The following ITPK1 variants were observed in gnomAD, a reference collection of about 807,000 sequenced individuals.
The protein encoded by ITPK1 is inositol 1,3,4-trisphosphate 5/6-kinase.
ITPK1 carries 21 observed loss-of-function variants against 45.3 expected under a neutral mutation model. The observed-to-expected ratio is 0.46, with a 90% confidence interval of 0.33 to 0.67. ITPK1 has a LOEUF of 0.67. Among genes scored for constraint, ITPK1 ranks in the 30% least tolerant of loss-of-function variants. The pLI is 0.02. For missense variants in ITPK1, 474 were observed against 573.5 expected, an observed-to-expected ratio of 0.83 and a Z score of 1.77; for synonymous variants, 258 against 253.6, an observed-to-expected ratio of 1.02 and a Z score of -0.16.
chr14:92,945,868 C>G (rs73345181), intron 10 of ITPK1, among the ~76,000 whole-genome samples: 3,101 of 152,298 alleles, frequency 0.02, 102 homozygotes, highest in African/African-American at 0.071. Flanking sequence ...CGCTGCAGTT[C>G]AGGGTGGTGG....
chr14:93,029,978 C>G (rs554604870), intron 3 of ITPK1, among the ~76,000 whole-genome samples: 148 of 152,316 alleles, frequency 9.7e-4, no homozygotes, highest in African/African-American at 3.4e-3. Flanking sequence ...GCTGCTACCC[C>G]CTTCCAGAAA....
Position 92,940,890 on chromosome 14 carries a change from T to C in ITPK1, c.*671A>G. 2 of 1,288,510 alleles carry C rather than the reference T, an allele frequency of 1.6e-6. No individual in the cohort carries two copies. The allele number at this position is 1,288,510 out of a possible 1,614,324, so 79.8% of individuals were successfully genotyped here. A position where few individuals can be genotyped will look rare whatever the true frequency, so the allele number is the denominator to read the frequency against. ...GCTGTGCAGGGCTAAATGGGACGTG[T>C]GTTGGGGGGCCCAGAGGACGCCCAG... On this transcript the variant is annotated 3_prime_UTR_variant, in exon 11 of 11. Coordinates refer to ENST00000267615, the MANE Select transcript of ITPK1 (RefSeq NM_014216.6).
At chr14:93,083,860 C>T (rs767791082) in intron 2 of ITPK1, among the ~76,000 whole-genome samples, 31 of 152,166 alleles carry the variant, frequency 2.0e-4, no homozygotes, top group Non-Finnish European at 4.1e-4. Flanking sequence ...CCCCACTGCC[C>T]CAAGCTGCCC....
At chr14:93,021,651 C>T (rs1647897038) in intron 3 of ITPK1, among the ~76,000 whole-genome samples, 1 of 151,638 alleles carries the variant, frequency 6.6e-6, no homozygotes, top group Non-Finnish European at 1.5e-5. Context: ...GGACTCCATG[C>T]CAGTGGTGTG....
chr14:93,080,065 T>TA (rs1891378265), intron 2 of ITPK1, among the ~76,000 whole-genome samples: 1 of 152,130 alleles, frequency 6.6e-6, no homozygotes, highest in Admixed American at 6.5e-5. Context: ...TATGCAGCAG[T>TA]AAAAAAGAAC....
intron 5 of ITPK1, among the ~76,000 whole-genome samples, chr14:92,986,352 T>A (rs1886483604): frequency 6.6e-6 from 1 of 151,912 alleles, no homozygotes; most frequent in Admixed American, 6.6e-5. Context: ...TCAGTGTGAG[T>A]AGGGGGAAGA....
chr14:93,006,240 G>A (rs141656725), intron 4 of ITPK1, among the ~76,000 whole-genome samples: 156 of 152,342 alleles, frequency 1.0e-3, no homozygotes, highest in Non-Finnish European at 1.6e-3. Flanking sequence ...ACAAGGGGTA[G>A]GGGAAACGCT....
At chr14:93,108,906 G>A (rs1326963684) in intron 2 of ITPK1, among the ~76,000 whole-genome samples, 5 of 152,302 alleles carry the variant, frequency 3.3e-5, no homozygotes, top group East Asian at 1.9e-4. Context: ...CCAGCTACTC[G>A]GGAGGCTAAG....
chr14:93,011,018 A>T (rs950390866), intron 4 of ITPK1, among the ~76,000 whole-genome samples: 3 of 152,238 alleles, frequency 2.0e-5, no homozygotes, highest in African/African-American at 7.2e-5. Context: ...GGGGAATCGC[A>T]AATTTTAATT....
chr14:93,007,843 T>C (rs1218379797), intron 4 of ITPK1, among the ~76,000 whole-genome samples: 1 of 152,222 alleles, frequency 6.6e-6, no homozygotes, highest in Non-Finnish European at 1.5e-5. Context: ...ACTGCTGCAA[T>C]GGGCAGGGCC....
At position 92,940,994 on chromosome 14, in the gene ITPK1, C is replaced by T. The variant is rs1887349113; in HGVS notation, c.*567G>A. 7.9e-7 allele frequency: 1 copy of T among 1,272,800 alleles called. No individual in the cohort carries two copies. 78.8% of individuals were successfully genotyped at this position (1,272,800 alleles called of 1,614,324 possible). Reference sequence around the variant, plus strand: ...TCCCCTGAGGGGTCTGTGGCCTCCTCTGGCTGTGGGGAGGGAGGGGTTAGC... The same window carrying T: ...TCCCCTGAGGGGTCTGTGGCCTCCTTTGGCTGTGGGGAGGGAGGGGTTAGC... On this transcript the variant is annotated 3_prime_UTR_variant, in exon 11 of 11. Transcript: ENST00000267615.
chr14:92,938,355 A>C lies in ITPK1; in HGVS notation c.*3206T>G. 1 of 737,710 alleles carries C rather than the reference A, an allele frequency of 1.4e-6. No individual in the cohort carries two copies. Among genetic ancestry groups the C allele is most frequent in the Non-Finnish European group, 2.4e-6 (1 of 408,214 alleles). 45.7% of individuals were successfully genotyped at this position (737,710 alleles called of 1,614,324 possible). On this transcript the variant is annotated 3_prime_UTR_variant, in exon 11 of 11. Coordinates refer to ENST00000267615, the MANE Select transcript of ITPK1 (RefSeq NM_014216.6). ...GGCCAGTGGCCAATGTGAGTGCCCA[A>C]GAGCCAAGAACTGGTCTTCCAGGCT...
intron 2 of ITPK1, among the ~76,000 whole-genome samples, chr14:93,097,410 C>T (rs139251047): frequency 4.4e-4 from 67 of 152,268 alleles, no homozygotes; most frequent in African/African-American, 1.6e-3. Flanking sequence ...AGAAGGAGGC[C>T]AGGTCATGCC....
rs1887941665 is a variant in ITPK1, at chr14:93,012,126, C to T, written c.246+4550G>A. Among the ~76,000 whole-genome samples, 1 of 152,162 alleles carries T rather than the reference C, an allele frequency of 6.6e-6. No homozygotes were observed. The highest frequency in any genetic ancestry group is 2.4e-5 in the African/African-American group (1 of 41,438). On this transcript the variant is annotated intron_variant, in intron 4 of 10. Coordinates refer to ENST00000267615, the MANE Select transcript of ITPK1 (RefSeq NM_014216.6). The surrounding 1 kb of genome is among the most constrained non-coding windows in gnomAD (Gnocchi z 4.9). ...GGCACCCCATGAAAGGCCGCCCCAG[C>T]GCATGACCAGCACTGGGCATGCGCC...
Position 92,941,261 on chromosome 14 carries a change from C to T in ITPK1, c.*300G>A, listed in dbSNP as rs962171530. ...ACTGGCATGGCAGCCATACGCACAC[C>T]CCTCACCTCCCATCCAGACCTAGTG... On this transcript the variant is annotated 3_prime_UTR_variant, in exon 11 of 11. Coordinates refer to ENST00000267615, the MANE Select transcript of ITPK1 (RefSeq NM_014216.6). 8.0e-6 allele frequency: 11 copies of T among 1,368,634 alleles called. No homozygotes were observed. Among genetic ancestry groups the T allele is most frequent in the African/African-American group, 7.4e-5 (5 of 67,692 alleles). 84.8% of individuals were successfully genotyped at this position (1,368,634 alleles called of 1,614,324 possible). A position where few individuals can be genotyped will look rare whatever the true frequency, so the allele number is the denominator to read the frequency against.
At chr14:93,107,511 C>T (rs1484661043) in intron 2 of ITPK1, among the ~76,000 whole-genome samples, 1 of 152,178 alleles carries the variant, frequency 6.6e-6, no homozygotes, top group Non-Finnish European at 1.5e-5. Flanking sequence ...TCTGGGAGGG[C>T]CTTTGGCCTG....
At chr14:93,059,635 G>A (rs1307903532) in intron 3 of ITPK1, among the ~76,000 whole-genome samples, 1 of 39,524 alleles carries the variant, frequency 2.5e-5, no homozygotes, top group African/African-American at 1.3e-4. Context: ...TGCGGGTCAC[G>A]AGGCAGGGGT....
chr14:92,964,815 C>T (rs1885263227), intron 5 of ITPK1, among the ~76,000 whole-genome samples: 1 of 152,190 alleles, frequency 6.6e-6, no homozygotes, highest in Non-Finnish European at 1.5e-5. Flanking sequence ...CCTCAACTGT[C>T]CCTCCCCACC....
chr14:93,091,912 T>C (rs1283497811), intron 2 of ITPK1, among the ~76,000 whole-genome samples: 1 of 152,128 alleles, frequency 6.6e-6, no homozygotes, highest in Non-Finnish European at 1.5e-5. Flanking sequence ...GCAGGCCGGG[T>C]GCACTCGGAC....
Sources: allele counts gnomAD v4.1 joint callset (sites outside exome capture counted in the v4.1 genomes callset), GRCh38; gene constraint gnomAD v4.1.1; non-coding constraint Gnocchi (gnomAD v3.1); transcripts MANE v1.5; gene names NCBI Gene and HGNC (gene_info 2026-07-23, HGNC 2026-07-21).